The following DISP1 variants were observed in gnomAD, a reference collection of about 807,000 sequenced individuals.
DISP1 encodes the protein dispatched RND transporter family member 1.
In DISP1, 30 loss-of-function variants were observed where a neutral mutation model predicts 37.3. The ratio of observed to expected loss-of-function variants is 0.80; its 90% confidence interval spans 0.60 to 1.09. The LOEUF (loss-of-function observed/expected upper bound fraction) is 1.09. DISP1 is among the 50% of genes least tolerant of loss of function. The pLI, the probability that DISP1 is intolerant of heterozygous loss-of-function variation, is 0.00. For missense variants in DISP1, 1,598 were observed against 1,879.5 expected (o/e 0.85, Z 2.77); for synonymous variants, 634 against 690.2 (o/e 0.92, Z 1.28).
chr1:222,815,321 A>T (rs1246986452), intron 1 of DISP1: 1 of 153,022 alleles, frequency 6.5e-6, no homozygotes, highest in East Asian at 1.9e-4. Context: ...GGGGACCCTG[A>T]GGCCAAAGAG....
At chr1:222,821,012 G>C (rs1410528880) in intron 1 of DISP1, among the ~76,000 whole-genome samples, 2 of 151,672 alleles carry the variant, frequency 1.3e-5, no homozygotes, top group Admixed American at 6.6e-5. Context: ...CCATCCCACG[G>C]GTCTTTGGCA....
At chr1:222,964,691 T>C (rs1211725327) in intron 3 of DISP1, among the ~76,000 whole-genome samples, 1 of 152,252 alleles carries the variant, frequency 6.6e-6, no homozygotes, top group Non-Finnish European at 1.5e-5. Flanking sequence ...GAATTCCACC[T>C]AATTCCTTTA....
At chr1:222,928,120 A>G (rs17536396) in intron 1 of DISP1, among the ~76,000 whole-genome samples, 17,308 of 152,288 alleles carry the variant, frequency 0.11, 1,354 homozygotes, top group Non-Finnish European at 0.16. Context: ...ATCAGCTAAC[A>G]TGGCTTTAAT....
intron 3 of DISP1, among the ~76,000 whole-genome samples, chr1:222,958,387 G>C (rs1675787401): frequency 6.6e-6 from 1 of 152,172 alleles, no homozygotes; most frequent in Non-Finnish European, 1.5e-5. Flanking sequence ...AAATTAATCA[G>C]TAAGATTGCC....
chr1:222,946,675 T>C (rs1269689889), intron 3 of DISP1, among the ~76,000 whole-genome samples: 3 of 152,084 alleles, frequency 2.0e-5, no homozygotes, highest in Non-Finnish European at 2.9e-5. Flanking sequence ...GTAAAGCAAA[T>C]AGGCAGGTAC....
intron 1 of DISP1, among the ~76,000 whole-genome samples, chr1:222,896,287 G>T (rs1671252228): frequency 6.6e-6 from 1 of 151,096 alleles, no homozygotes; most frequent in South Asian, 2.1e-4. Context: ...CAGCCTGGGT[G>T]ACAGAGCACA....
At chr1:222,962,462 G>A (rs1572635583) in intron 3 of DISP1, among the ~76,000 whole-genome samples, 1 of 152,266 alleles carries the variant, frequency 6.6e-6, no homozygotes, top group East Asian at 1.9e-4. Context: ...AGAACACCCT[G>A]TATAGCCAAG....
chr1:222,855,659 A>C (rs916958274), intron 1 of DISP1, among the ~76,000 whole-genome samples: 2 of 152,218 alleles, frequency 1.3e-5, no homozygotes, highest in Admixed American at 1.3e-4. Flanking sequence ...TACGTACCTA[A>C]TGAAATGAAA....
At chr1:222,929,094 A>G (rs915695122) in intron 2 of DISP1, among the ~76,000 whole-genome samples, 12 of 152,196 alleles carry the variant, frequency 7.9e-5, no homozygotes, top group Non-Finnish European at 1.6e-4. Flanking sequence ...CTTGTGAACT[A>G]AACTTCAACA....
intron 1 of DISP1, among the ~76,000 whole-genome samples, chr1:222,842,710 A>G (rs1017043019): frequency 5.9e-5 from 9 of 152,202 alleles, no homozygotes; most frequent in Non-Finnish European, 8.8e-5. Context: ...CACAGTATAC[A>G]TTAATTTATT....
intron 1 of DISP1, among the ~76,000 whole-genome samples, chr1:222,826,295 TCCTTTAAG>T (rs1664370847): frequency 6.7e-6 from 1 of 149,012 alleles, no homozygotes; most frequent in Non-Finnish European, 1.5e-5. Flanking sequence ...ATTCCATTAG[TCCTTTAAG>T]ACTGTAACCT....
At chr1:222,915,465 A>T (rs17163572) in intron 1 of DISP1, among the ~76,000 whole-genome samples, 51,342 of 152,058 alleles carry the variant, frequency 0.34, 8,827 homozygotes, top group East Asian at 0.52. Flanking sequence ...AGGGCTGTGT[A>T]GACTGTATGA....
intron 3 of DISP1, among the ~76,000 whole-genome samples, chr1:222,978,315 G>A (rs1387305707): frequency 6.6e-6 from 1 of 152,134 alleles, no homozygotes; most frequent in Non-Finnish European, 1.5e-5. Flanking sequence ...CTGCATAAAT[G>A]TCTTCTTTTG....
At position 222,949,487 on chromosome 1, in the gene DISP1, G is replaced by A. The variant is rs186975685; in HGVS notation, c.509+6155G>A. 1.3e-4 allele frequency among the ~76,000 whole-genome samples: 20 copies of A among 152,000 alleles called. No homozygotes were observed. The East Asian group carries it at 2.5e-3, about 19-fold the overall frequency. On this transcript the variant is annotated intron_variant, in intron 3 of 8. Coordinates refer to ENST00000675850, the MANE Select transcript of DISP1 (RefSeq NM_001377229.1). ...TGCCAAATATTAAGTAGCTTAAATCGATTTTATTTTAAAGCTTTAGATTTC... is the reference window on the plus strand; with the variant it reads ...TGCCAAATATTAAGTAGCTTAAATCAATTTTATTTTAAAGCTTTAGATTTC...
At chr1:222,828,915 C>T (rs1164312274) in intron 1 of DISP1, among the ~76,000 whole-genome samples, 2 of 152,044 alleles carry the variant, frequency 1.3e-5, no homozygotes, top group Non-Finnish European at 2.9e-5. Flanking sequence ...AATAAAAGTC[C>T]ACATTGTCAT....
At chr1:222,818,692 C>T (rs1426826561) in intron 1 of DISP1, among the ~76,000 whole-genome samples, 1 of 152,160 alleles carries the variant, frequency 6.6e-6, no homozygotes, top group Non-Finnish European at 1.5e-5. Context: ...AGGTTTTGCT[C>T]TTAAGGCCTT....
intron 1 of DISP1, among the ~76,000 whole-genome samples, chr1:222,915,382 A>G (rs1450699183): frequency 6.6e-6 from 1 of 152,212 alleles, no homozygotes; most frequent in Non-Finnish European, 1.5e-5. Flanking sequence ...CAAAGGAAGG[A>G]ATGAATGCTG....
At chr1:222,902,543 G>A (rs1416345860) in intron 1 of DISP1, among the ~76,000 whole-genome samples, 2 of 151,832 alleles carry the variant, frequency 1.3e-5, no homozygotes, top group Admixed American at 6.6e-5. Flanking sequence ...GAAAATTTTC[G>A]CAACCTACTC....
At chr1:222,892,345 A>G (rs1340155253) in intron 1 of DISP1, among the ~76,000 whole-genome samples, 14 of 152,218 alleles carry the variant, frequency 9.2e-5, no homozygotes, top group African/African-American at 2.4e-5. Flanking sequence ...TTTGCCGTGT[A>G]CTAGTGTGTA....
Sources: gnomAD v4.1 joint callset for allele counts (sites outside exome capture counted in the v4.1 genomes callset) on GRCh38, gnomAD v4.1.1 for gene constraint, MANE v1.5 for transcripts, NCBI Gene and HGNC (gene_info 2026-07-23, HGNC 2026-07-21) for gene names.